The following ATR variants were observed in gnomAD, a reference collection of about 807,000 sequenced individuals.
The protein encoded by ATR is ATR checkpoint kinase, also known as serine/threonine-protein kinase ATR.
ATR carries 142 observed loss-of-function variants against 305.3 expected under a neutral mutation model. The ratio of observed to expected loss-of-function variants is 0.47; its 90% confidence interval spans 0.41 to 0.53. ATR has a LOEUF of 0.53. Ranked by LOEUF, ATR falls within the 20% of genes least tolerant of loss-of-function variation. The pLI, the probability that ATR is intolerant of heterozygous loss-of-function variation, is 0.00. For missense variants in ATR, 2,135 were observed against 3,133.1 expected, an observed-to-expected ratio of 0.68 and a Z score of 7.60; for synonymous variants, 1,050 against 1,068.1, an observed-to-expected ratio of 0.98 and a Z score of 0.33.
intron 16 of ATR, among the ~76,000 whole-genome samples, chr3:142,546,097 G>T (rs1242359696): frequency 6.6e-6 from 1 of 152,110 alleles, no homozygotes; most frequent in Admixed American, 6.5e-5. Flanking sequence ...CTTACCCTCT[G>T]GCTTTCCACT....
At chr3:142,558,833 TA>T in intron 7 of ATR, 57 bp from the exon 8 acceptor site, 1 of 1,466,612 alleles carries the variant, frequency 6.8e-7, no homozygotes, top group Non-Finnish European at 9.4e-7. Flanking sequence ...ATATCTCTTT[TA>T]AATAAAAATA....
chr3:142,511,332 C>T (rs576152116), intron 27 of ATR, among the ~76,000 whole-genome samples: 1 of 152,140 alleles, frequency 6.6e-6, no homozygotes, highest in East Asian at 1.9e-4. Context: ...TCATTTATTC[C>T]TCACAATAAT....
At chr3:142,526,914 A>T (rs1002841426) in intron 21 of ATR, among the ~76,000 whole-genome samples, 2 of 151,620 alleles carry the variant, frequency 1.3e-5, no homozygotes, top group Non-Finnish European at 2.9e-5. Flanking sequence ...CTCAACCTCC[A>T]AGTAGCTTGG....
chr3:142,476,777 T>C (rs1218702895), intron 36 of ATR, among the ~76,000 whole-genome samples: 1 of 152,216 alleles, frequency 6.6e-6, no homozygotes, highest in Non-Finnish European at 1.5e-5. Flanking sequence ...CCTTGAGCAA[T>C]GGTTTGTAGT....
intron 1 of ATR, among the ~76,000 whole-genome samples, chr3:142,573,030 C>G (rs1411291217): frequency 6.6e-6 from 1 of 152,184 alleles, no homozygotes; most frequent in Non-Finnish European, 1.5e-5. Flanking sequence ...AGACCGTAAG[C>G]TCTTATAGGA....
At chr3:142,554,618 ATAAACT>A (rs1442989474) in intron 10 of ATR, among the ~76,000 whole-genome samples, 1 of 152,210 alleles carries the variant, frequency 6.6e-6, no homozygotes, top group Non-Finnish European at 1.5e-5. Flanking sequence ...TGTTACCAAG[ATAAACT>A]TAAAAACACA....
Position 142,508,656 on chromosome 3 carries a change from G to C in ATR, c.4853-547C>G, listed in dbSNP as rs185189442. Reference sequence around the variant, plus strand: ...TTGAAAGTAATGGCTGGGCATGATGGTTCACGCCTGTAATCCCAGCACTTT... The same window carrying C: ...TTGAAAGTAATGGCTGGGCATGATGCTTCACGCCTGTAATCCCAGCACTTT... On this transcript the variant is annotated intron_variant, in intron 27 of 46. Coordinates refer to ENST00000350721, the MANE Select transcript of ATR (RefSeq NM_001184.4). 9.8e-4 allele frequency among the ~76,000 whole-genome samples: 149 copies of C among 152,228 alleles called. 1 individual carries two copies. The highest frequency in any genetic ancestry group is 3.5e-3 in the African/African-American group (147 of 41,540).
At chr3:142,457,866 A>G (rs1485687460) in intron 44 of ATR, 111 bp from the exon 45 acceptor site, 1 of 1,194,792 alleles carries the variant, frequency 8.4e-7, no homozygotes, top group Non-Finnish European at 1.2e-6. Context: ...TACCCTCAAA[A>G]TATTTATGTT....
chr3:142,485,744 A>G (rs1199552366), intron 35 of ATR, among the ~76,000 whole-genome samples: 1 of 152,232 alleles, frequency 6.6e-6, no homozygotes, highest in Non-Finnish European at 1.5e-5. Flanking sequence ...TTGGTAAAAT[A>G]AAAATCACAT....
intron 21 of ATR, among the ~76,000 whole-genome samples, chr3:142,532,076 G>A (rs570611093): frequency 8.5e-5 from 13 of 152,114 alleles, no homozygotes; most frequent in African/African-American, 2.7e-4. Context: ...GCCCTGCTTC[G>A]GCTCATGCTC....
intron 34 of ATR, 45 bp downstream of exon 34, chr3:142,496,316 A>ATG (rs1216195578): frequency 9.4e-6 from 2 of 212,968 alleles, no homozygotes; most frequent in African/African-American, 7.3e-5. Flanking sequence ...ATATATATAT[A>ATG]TATATATATA....
chr3:142,535,327 G>T (rs1005226641), intron 20 of ATR, 122 bp from the exon 21 acceptor site: 4 of 1,098,622 alleles, frequency 3.6e-6, no homozygotes, highest in Non-Finnish European at 5.3e-6. Flanking sequence ...TTAAAGTAAT[G>T]AAATTTCCAT....
chr3:142,452,809 G>A (rs2070821220), intron 46 of ATR: 1 of 1,186,676 alleles, frequency 8.4e-7, no homozygotes, highest in African/African-American at 1.6e-5. Flanking sequence ...TGATATTAAA[G>A]CTCAGACCTG....
intron 1 of ATR, among the ~76,000 whole-genome samples, chr3:142,573,411 A>C (rs2035336974): frequency 6.9e-6 from 1 of 144,966 alleles, no homozygotes; most frequent in Non-Finnish European, 1.5e-5. Flanking sequence ...CCAAGATCGC[A>C]CCACTGCACT....
chr3:142,566,989 C>T (rs754880381), intron 2 of ATR, among the ~76,000 whole-genome samples: 1 of 152,116 alleles, frequency 6.6e-6, no homozygotes, highest in Admixed American at 6.5e-5. Context: ...GGTGATCCAC[C>T]CACCTCGGCC....
intron 16 of ATR, among the ~76,000 whole-genome samples, chr3:142,546,135 G>C (rs559154520): frequency 2.6e-5 from 4 of 152,240 alleles, no homozygotes; most frequent in African/African-American, 9.6e-5. Context: ...AATACCACTA[G>C]AACAGAGGGT....
intron 29 of ATR, 109 bp from the exon 30 acceptor site, chr3:142,503,562 CTTATT>C: frequency 1.9e-6 from 1 of 522,584 alleles, no homozygotes; most frequent in South Asian, 4.2e-5. Flanking sequence ...CCTTATTGCC[CTTATT>C]TTTTTATTAT....
chr3:142,452,716 ACTAT>A, intron 46 of ATR: 1 of 1,064,936 alleles, frequency 9.4e-7, no homozygotes, highest in Non-Finnish European at 1.1e-6. Context: ...CAACAACAAA[ACTAT>A]CTGCAAACTT....
At chr3:142,462,131 T>A (rs2071034190) in intron 41 of ATR, 41 bp from the exon 42 acceptor site, 1 of 1,556,502 alleles carries the variant, frequency 6.4e-7, no homozygotes, top group Non-Finnish European at 8.8e-7. Flanking sequence ...AAGATAGAAC[T>A]CAAAATTTCT....
Sources: allele counts gnomAD v4.1 joint callset (sites outside exome capture counted in the v4.1 genomes callset), GRCh38; gene constraint gnomAD v4.1.1; transcripts MANE v1.5; gene names NCBI Gene and HGNC (gene_info 2026-07-23, HGNC 2026-07-21).